The following ROBO2 variants were observed in gnomAD, a reference collection of about 807,000 sequenced individuals.
ROBO2 encodes the protein roundabout homolog 2.
ROBO2 carries 53 observed loss-of-function variants against 160.8 expected under a neutral mutation model. The ratio of observed to expected loss-of-function variants is 0.33; its 90% CI spans 0.26 to 0.41. ROBO2 has a LOEUF of 0.41. Among genes scored for constraint, ROBO2 ranks in the 10% least tolerant of loss-of-function variants. The pLI is 1.00. For missense variants in ROBO2, 1,577 were observed against 1,722.4 expected, an observed-to-expected ratio of 0.92 and a Z score of 1.49; for synonymous variants, 664 against 611.7, an observed-to-expected ratio of 1.09 and a Z score of -1.26.
intron 2 of ROBO2, among the ~76,000 whole-genome samples, chr3:76,705,696 A>T (rs1241739087): frequency 6.6e-6 from 1 of 152,170 alleles, no homozygotes; most frequent in African/African-American, 2.4e-5. Flanking sequence ...CAACCGAAAT[A>T]TTATCTTTAC....
chr3:77,310,211 AT>A (rs1277778319), intron 2 of ROBO2, among the ~76,000 whole-genome samples: 32 of 152,124 alleles, frequency 2.1e-4, no homozygotes, highest in Admixed American at 6.6e-5. Flanking sequence ...TTATTGCGAA[AT>A]TGTCCTTAAA....
At chr3:76,486,689 A>G (rs1327279851) in intron 2 of ROBO2, among the ~76,000 whole-genome samples, 2 of 152,134 alleles carry the variant, frequency 1.3e-5, no homozygotes, top group South Asian at 4.1e-4. Context: ...ATTCTAAAGG[A>G]TGTTTTATGT....
At chr3:76,182,063 G>C (rs1701532147) in intron 2 of ROBO2, among the ~76,000 whole-genome samples, 1 of 152,166 alleles carries the variant, frequency 6.6e-6, no homozygotes, top group South Asian at 2.1e-4. Flanking sequence ...GGCATGCTTA[G>C]TTTGAAATGA....
intron 2 of ROBO2, among the ~76,000 whole-genome samples, chr3:76,411,570 A>C (rs1217150584): frequency 1.3e-5 from 2 of 152,160 alleles, no homozygotes; most frequent in African/African-American, 2.4e-5. Flanking sequence ...AGTTCTTCAG[A>C]CAAAATGCCT....
In ROBO2 at chr3:76,043,955, C is replaced by T. The variant is rs116431819; in HGVS notation, c.109+106353C>T. ...CCTATTGTTTTGTAAAGTTACATCA[C>T]GATGTTGAGTGGTGGTGTTTTACAC... is the stretch of plus-strand genomic sequence containing the variant. On this transcript the variant is annotated intron_variant, in intron 2 of 26. Transcript: ENST00000487694. Among the ~76,000 whole-genome samples the T allele has an allele frequency of 2.6e-3, 393 of 152,044 alleles. 3 individuals carry two copies. Among genetic ancestry groups the T allele is most frequent in the Non-Finnish European group, 4.9e-3 (335 of 68,022 alleles).
At chr3:77,062,096 G>T (rs1455136009) in intron 1 of ROBO2, among the ~76,000 whole-genome samples, 1 of 152,004 alleles carries the variant, frequency 6.6e-6, no homozygotes, top group Non-Finnish European at 1.5e-5. Context: ...GAGGTGTTTG[G>T]GATCCCTTTT....
At chr3:75,931,648 G>A (rs1038326387) in intron 1 of ROBO2, among the ~76,000 whole-genome samples, 1 of 151,952 alleles carries the variant, frequency 6.6e-6, no homozygotes, top group Non-Finnish European at 1.5e-5. Flanking sequence ...CACCACGCCC[G>A]GCCCAAATTA....
At chr3:76,662,410 T>C (rs2091862995) in intron 2 of ROBO2, among the ~76,000 whole-genome samples, 1 of 152,170 alleles carries the variant, frequency 6.6e-6, no homozygotes, top group Admixed American at 6.5e-5. Context: ...CATAATTACT[T>C]TTTTCTTCCC....
intron 2 of ROBO2, among the ~76,000 whole-genome samples, chr3:76,709,811 G>A (rs1414486806): frequency 6.6e-6 from 1 of 152,126 alleles, no homozygotes; most frequent in Non-Finnish European, 1.5e-5. Context: ...TCATTAAATA[G>A]TAAAAAATGT....
chr3:76,690,991 G>A (rs1422506282), intron 2 of ROBO2, among the ~76,000 whole-genome samples: 2 of 152,046 alleles, frequency 1.3e-5, no homozygotes, highest in Non-Finnish European at 2.9e-5. Flanking sequence ...AGGCTAAGTT[G>A]GGAGGATCAC....
chr3:76,618,019 A>G (rs1013330599), intron 2 of ROBO2, among the ~76,000 whole-genome samples: 2 of 151,610 alleles, frequency 1.3e-5, no homozygotes, highest in African/African-American at 4.9e-5. Context: ...TCACCACCGA[A>G]CTTCCAGGAA....
At chr3:76,965,022 G>A (rs2079964692) in intron 2 of ROBO2, among the ~76,000 whole-genome samples, 1 of 152,096 alleles carries the variant, frequency 6.6e-6, no homozygotes, top group Admixed American at 6.5e-5. Flanking sequence ...CTTTCTTTTG[G>A]TATCTTCAAA....
chr3:77,643,266 C>T (rs369059235), intron 24 of ROBO2, among the ~76,000 whole-genome samples: 2 of 152,198 alleles, frequency 1.3e-5, no homozygotes, highest in African/African-American at 4.8e-5. Flanking sequence ...TTAATCTTTT[C>T]TGTCAGTTTA....
intron 2 of ROBO2, among the ~76,000 whole-genome samples, chr3:76,064,846 C>A (rs2068198206): frequency 6.6e-6 from 1 of 152,024 alleles, no homozygotes; most frequent in African/African-American, 2.4e-5. Context: ...AGGTGTATGG[C>A]CTAATAATAC....
intron 2 of ROBO2, among the ~76,000 whole-genome samples, chr3:77,398,430 C>G (rs1347764858): frequency 1.3e-5 from 2 of 151,762 alleles, no homozygotes; most frequent in Non-Finnish European, 2.9e-5. Flanking sequence ...CAGAGAGAAA[C>G]AGGGAGACTG....
chr3:77,112,566 CTA>C (rs2073768795), intron 2 of ROBO2, among the ~76,000 whole-genome samples: 1 of 151,982 alleles, frequency 6.6e-6, no homozygotes, highest in Non-Finnish European at 1.5e-5. Flanking sequence ...GGATTTAAGA[CTA>C]TGTCCCAAGA....
At chr3:75,995,824 G>A (rs544348267) in intron 2 of ROBO2, among the ~76,000 whole-genome samples, 37 of 152,334 alleles carry the variant, frequency 2.4e-4, no homozygotes, top group Admixed American at 2.2e-3. Flanking sequence ...GTGTGTCCTG[G>A]AGGTGAGACT....
intron 2 of ROBO2, among the ~76,000 whole-genome samples, chr3:77,212,899 C>A (rs566142577): frequency 9.2e-5 from 14 of 152,286 alleles, no homozygotes; most frequent in Non-Finnish European, 1.8e-4. Flanking sequence ...ATATGTTGAA[C>A]CAGCCTTGCA....
intron 2 of ROBO2, among the ~76,000 whole-genome samples, chr3:76,499,701 A>G (rs2080355310): frequency 6.6e-6 from 1 of 152,248 alleles, no homozygotes; most frequent in Non-Finnish European, 1.5e-5. Context: ...AGCAAATGTG[A>G]AGACACACAT....
Sources: gnomAD v4.1 joint callset for allele counts (sites outside exome capture counted in the v4.1 genomes callset) on GRCh38, gnomAD v4.1.1 for gene constraint, MANE v1.5 for transcripts, NCBI Gene and HGNC (gene_info 2026-07-23, HGNC 2026-07-21) for gene names.